TFCP2: variants seen among roughly 807,000 people sequenced by gnomAD.
TFCP2 encodes the protein transcription factor CP2.
TFCP2 carries 33 observed loss-of-function variants against 73.4 expected under a neutral mutation model. That is an observed-to-expected ratio of 0.45 (90% confidence interval 0.34 to 0.60). The LOEUF is 0.60. Ranked by LOEUF, TFCP2 falls within the 20% of genes least tolerant of loss-of-function variation. The pLI, the probability that TFCP2 is intolerant of heterozygous loss-of-function variation, is 0.01. For synonymous variants in TFCP2, 193 were observed against 211.6 expected (o/e 0.91, Z 0.76); for missense variants, 352 against 604.0 (o/e 0.58, Z 4.37).
At chr12:51,105,001 C>T (rs900435598) in intron 8 of TFCP2, among the ~76,000 whole-genome samples, 19 of 151,720 alleles carry the variant, frequency 1.3e-4, no homozygotes, top group South Asian at 2.1e-4. Context: ...CGTGAGCCAC[C>T]GCGCCCGGCA....
At chr12:51,108,862 C>T (rs192563260) in intron 6 of TFCP2, among the ~76,000 whole-genome samples, 2 of 152,296 alleles carry the variant, frequency 1.3e-5, no homozygotes, top group African/African-American at 4.8e-5. Flanking sequence ...GAGCTTGTAA[C>T]TTCAATAGGC....
At chr12:51,132,099 G>T (rs1009445555) in intron 1 of TFCP2, among the ~76,000 whole-genome samples, 1 of 151,988 alleles carries the variant, frequency 6.6e-6, no homozygotes, top group African/African-American at 2.4e-5. Context: ...TGGGGGAAAT[G>T]AATATAAATG....
At chr12:51,123,836 T>C (rs1227068738) in intron 1 of TFCP2, among the ~76,000 whole-genome samples, 1 of 152,216 alleles carries the variant, frequency 6.6e-6, no homozygotes, top group Non-Finnish European at 1.5e-5. Flanking sequence ...ATAAAAATTA[T>C]AGGAGGCCAC....
intron 1 of TFCP2, among the ~76,000 whole-genome samples, chr12:51,142,260 A>G (rs12810455): frequency 0.17 from 24,506 of 148,368 alleles, 2,302 homozygotes; most frequent in South Asian, 0.26. Flanking sequence ...GGCAAACATG[A>G]TTGGGATATA....
At chr12:51,128,913 T>C (rs1010310004) in intron 1 of TFCP2, among the ~76,000 whole-genome samples, 1 of 152,170 alleles carries the variant, frequency 6.6e-6, no homozygotes, top group African/African-American at 2.4e-5. Context: ...TTTTAAGTAA[T>C]TCTAAGTGGC....
Position 51,094,306 on chromosome 12 carries a change from A to C in TFCP2, c.*935T>G, listed in dbSNP as rs1344889070. The stretch of plus-strand genomic sequence containing the variant: ...ACACTTAAAAAGCATCTATGTGTTC[A>C]TTTCTTGTAGGTCTTGATTTGTTCA... On this transcript the variant is annotated 3_prime_UTR_variant, in exon 15 of 15. Transcript: ENST00000257915. 1 of 152,124 alleles carries C rather than the reference A, an allele frequency of 6.6e-6. No individual in the cohort carries two copies. Among genetic ancestry groups the C allele is most frequent in the Admixed American group, 6.6e-5 (1 of 15,258 alleles). The allele number at this position is 152,124 out of a possible 1,614,324, so 9.4% of individuals were successfully genotyped here. A position where few individuals can be genotyped will look rare whatever the true frequency, so the allele number is the denominator to read the frequency against.
At chr12:51,121,106 A>G (rs1347762973) in intron 1 of TFCP2, among the ~76,000 whole-genome samples, 1 of 151,916 alleles carries the variant, frequency 6.6e-6, no homozygotes, top group Non-Finnish European at 1.5e-5. Flanking sequence ...AACAGGGTAC[A>G]TGAAATAAAA....
chr12:51,110,007 C>T (rs556581313), intron 5 of TFCP2, among the ~76,000 whole-genome samples: 14 of 152,128 alleles, frequency 9.2e-5, no homozygotes, highest in Non-Finnish European at 1.5e-4. Context: ...GTGTGAGCCA[C>T]GGCACCCAGC....
chr12:51,106,907 G>T, intron 7 of TFCP2: 1 of 496,478 alleles, frequency 2.0e-6, no homozygotes, highest in South Asian at 2.3e-5. Flanking sequence ...TCCTAAAATT[G>T]AAGGTGGTTT....
chr12:51,154,675 C>T (rs1411686401), intron 1 of TFCP2, among the ~76,000 whole-genome samples: 1 of 152,194 alleles, frequency 6.6e-6, no homozygotes, highest in African/African-American at 2.4e-5. Flanking sequence ...GCCTAGGTGA[C>T]ACAGTGAGAG....
At chr12:51,150,807 T>G (rs984694729) in intron 1 of TFCP2, among the ~76,000 whole-genome samples, 1 of 152,204 alleles carries the variant, frequency 6.6e-6, no homozygotes, top group Non-Finnish European at 1.5e-5. Context: ...AAAATGGAGA[T>G]AGTGAATTCA....
chr12:51,120,909 C>CA (rs35941534), intron 1 of TFCP2, among the ~76,000 whole-genome samples: 16,696 of 78,234 alleles, frequency 0.21, 2,023 homozygotes, highest in South Asian at 0.29. Flanking sequence ...GACTGTGTCT[C>CA]AAAAAAAAAA....
At chr12:51,102,501 G>A (rs1315957696) in intron 10 of TFCP2, among the ~76,000 whole-genome samples, 4 of 152,062 alleles carry the variant, frequency 2.6e-5, no homozygotes, top group South Asian at 2.1e-4. Context: ...CGAGGAGGGT[G>A]GATCATTTGA....
chr12:51,151,408 C>T (rs115051249), intron 1 of TFCP2, among the ~76,000 whole-genome samples: 3,224 of 152,148 alleles, frequency 0.021, 105 homozygotes, highest in African/African-American at 0.071. Flanking sequence ...TAACAGTTAC[C>T]TTAGGACAGT....
chr12:51,153,669 T>C (rs1312219408), intron 1 of TFCP2, among the ~76,000 whole-genome samples: 1 of 152,218 alleles, frequency 6.6e-6, no homozygotes, highest in Non-Finnish European at 1.5e-5. Context: ...ATTTCGTGTC[T>C]GACATTTCAC....
chr12:51,166,694 G>T (rs893156352), intron 1 of TFCP2, among the ~76,000 whole-genome samples: 1 of 152,034 alleles, frequency 6.6e-6, no homozygotes, highest in African/African-American at 2.4e-5. Context: ...TTTCCTACCT[G>T]CCAATCACCT....
intron 1 of TFCP2, among the ~76,000 whole-genome samples, chr12:51,135,297 G>T (rs1416858543): frequency 2.0e-5 from 3 of 147,908 alleles, no homozygotes; most frequent in East Asian, 4.1e-4. Flanking sequence ...GGTTGTGGTG[G>T]GCACCTGTAG....
intron 1 of TFCP2, among the ~76,000 whole-genome samples, chr12:51,163,661 C>T (rs1043741357): frequency 6.6e-6 from 1 of 151,786 alleles, no homozygotes; most frequent in Non-Finnish European, 1.5e-5. Context: ...GTGGCTCATG[C>T]CTTTAATCCC....
chr12:51,107,795 G>C (rs929481517), intron 6 of TFCP2, among the ~76,000 whole-genome samples: 1 of 151,672 alleles, frequency 6.6e-6, no homozygotes, highest in Non-Finnish European at 1.5e-5. Context: ...TAGTAGAGAC[G>C]GGGTTTCACC....
Sources: allele counts gnomAD v4.1 joint callset (sites outside exome capture counted in the v4.1 genomes callset), GRCh38; gene constraint gnomAD v4.1.1; transcripts MANE v1.5; gene names NCBI Gene and HGNC (gene_info 2026-07-23, HGNC 2026-07-21).